The following TCF7L2 variants were observed in gnomAD, a reference collection of about 807,000 sequenced individuals.
The protein encoded by TCF7L2 is transcription factor 7 like 2.
A neutral mutation model predicts 77.9 loss-of-function variants in TCF7L2; 23 were observed. The ratio of observed to expected loss-of-function variants is 0.30; its 90% CI spans 0.21 to 0.42. The LOEUF is 0.42. Among genes scored for constraint, TCF7L2 ranks in the 10% least tolerant of loss-of-function variants. TCF7L2 has a pLI of 1.00. For synonymous variants in TCF7L2, 413 were observed against 340.2 expected (o/e 1.21, Z -2.36); for missense variants, 654 against 793.1 (o/e 0.82, Z 2.11).
In TCF7L2 at chr10:112,951,191, C is replaced by T. The variant is rs1170738230; in HGVS notation, c.190-16C>T. 2.5e-6 allele frequency: 4 copies of T among 1,583,336 alleles called. No individual in the cohort carries two copies. The highest frequency in any genetic ancestry group is 3.4e-6 in the Non-Finnish European group (4 of 1,168,308). On this transcript the variant is annotated splice_polypyrimidine_tract_variant and intron_variant, in intron 1 of 13. Transcript: ENST00000627217. ...CGTTTGCCCCTCGCCCTCCCCACCT[C>T]CACCCCTCTGGGAAGGCGGAAAGAC...
intron 4 of TCF7L2, among the ~76,000 whole-genome samples, chr10:112,966,184 T>TATATATATATATA (rs2036754580): frequency 2.6e-5 from 3 of 114,230 alleles, no homozygotes; most frequent in South Asian, 2.6e-4. Flanking sequence ...TAAAATATAT[T>TATATATATATATA]TATATATATA....
intron 3 of TCF7L2, among the ~76,000 whole-genome samples, chr10:112,957,667 G>A (rs2034018425): frequency 6.6e-6 from 1 of 152,086 alleles, no homozygotes; most frequent in African/African-American, 2.4e-5. Flanking sequence ...TATTAAAAAG[G>A]GATATTGCTT....
intron 5 of TCF7L2, among the ~76,000 whole-genome samples, chr10:113,136,085 C>T (rs1044534192): frequency 1.3e-5 from 2 of 152,208 alleles, no homozygotes; most frequent in African/African-American, 4.8e-5. Flanking sequence ...AGAAACACCA[C>T]TCTCTCAAGG....
chr10:113,071,885 C>G (rs1356159751), intron 5 of TCF7L2, among the ~76,000 whole-genome samples: 1 of 152,218 alleles, frequency 6.6e-6, no homozygotes. Context: ...AGGTCAGGGG[C>G]TGGCTGGGAC....
chr10:113,037,513 G>T (rs1048403878), intron 4 of TCF7L2, among the ~76,000 whole-genome samples: 1 of 152,210 alleles, frequency 6.6e-6, no homozygotes, highest in Non-Finnish European at 1.5e-5. Flanking sequence ...TTGTAGGCTT[G>T]GAGTGCTGAA....
chr10:113,116,376 T>C lies in TCF7L2; in HGVS notation c.553-24808T>C, dbSNP rs371511900. ...TGAATTAGTTATATTTTATCACTTA[T>C]AATCTAAATTAGACCTAATTAATAT... On this transcript the variant is annotated intron_variant, in intron 5 of 13. Transcript: ENST00000627217. Among the ~76,000 whole-genome samples, 5 of 152,372 alleles carry C rather than the reference T, an allele frequency of 3.3e-5. No individual in the cohort carries two copies. In the East Asian group the frequency reaches 9.6e-4, roughly 29 times the overall value.
At chr10:113,120,212 AAGT>A (rs1465360413) in intron 5 of TCF7L2, among the ~76,000 whole-genome samples, 2 of 152,126 alleles carry the variant, frequency 1.3e-5, no homozygotes, top group African/African-American at 4.8e-5. Context: ...CTTTTGTTCA[AAGT>A]AGATTGAGGG....
intron 5 of TCF7L2, among the ~76,000 whole-genome samples, chr10:113,095,264 G>T (rs1311135151): frequency 6.6e-6 from 1 of 152,162 alleles, no homozygotes; most frequent in Non-Finnish European, 1.5e-5. Context: ...ACCCATCATT[G>T]CTTCGCATGT....
chr10:113,060,079 G>A (rs2056179593), intron 5 of TCF7L2, among the ~76,000 whole-genome samples: 1 of 152,200 alleles, frequency 6.6e-6, no homozygotes, highest in African/African-American at 2.4e-5. Flanking sequence ...CATCTTAGCT[G>A]TTCAGCGGAT....
intron 5 of TCF7L2, among the ~76,000 whole-genome samples, chr10:113,071,906 G>A (rs1043731422): frequency 5.3e-5 from 8 of 152,246 alleles, no homozygotes; most frequent in Non-Finnish European, 1.2e-4. Flanking sequence ...TGTGGATGCT[G>A]GAGTAAGTGG....
At chr10:113,079,589 T>C (rs1202608556) in intron 5 of TCF7L2, among the ~76,000 whole-genome samples, 3 of 152,208 alleles carry the variant, frequency 2.0e-5, no homozygotes, top group Non-Finnish European at 2.9e-5. Context: ...CCCTAAAAAC[T>C]GAGGGTTGTT....
chr10:113,164,754 C>CT (rs140468613), intron 13 of TCF7L2, among the ~76,000 whole-genome samples: 8,810 of 151,376 alleles, frequency 0.058, 306 homozygotes, highest in South Asian at 0.077. Flanking sequence ...TTGGTGGTTT[C>CT]TTTTTTTTGT....
At chr10:113,073,334 G>A (rs1564856149) in intron 5 of TCF7L2, among the ~76,000 whole-genome samples, 2 of 151,264 alleles carry the variant, frequency 1.3e-5, no homozygotes, top group South Asian at 4.2e-4. Context: ...TTATCATCTT[G>A]GTGATGGTCA....
chr10:113,037,281 G>A (rs1452727817), intron 4 of TCF7L2, among the ~76,000 whole-genome samples: 2 of 152,170 alleles, frequency 1.3e-5, no homozygotes, highest in Non-Finnish European at 2.9e-5. Context: ...TTGGATTTGT[G>A]TGTACCCAGC....
intron 5 of TCF7L2, chr10:113,126,767 G>A (rs1592056665): frequency 1.0e-6 from 1 of 985,612 alleles, no homozygotes. Flanking sequence ...TGCAGGGCGG[G>A]TGCTGCCCTC....
At chr10:113,087,432 G>A (rs1466144031) in intron 5 of TCF7L2, among the ~76,000 whole-genome samples, 4 of 152,192 alleles carry the variant, frequency 2.6e-5, no homozygotes, top group Non-Finnish European at 5.9e-5. Context: ...ACAATTGGAG[G>A]GCTAACCAAG....
chr10:113,142,090 T>G (rs2068487932), intron 6 of TCF7L2, among the ~76,000 whole-genome samples: 1 of 152,220 alleles, frequency 6.6e-6, no homozygotes, highest in South Asian at 2.1e-4. Flanking sequence ...CTGCAACCTC[T>G]GCCTCCCAGT....
At chr10:112,991,799 G>A (rs1296482532) in intron 4 of TCF7L2, among the ~76,000 whole-genome samples, 1 of 152,150 alleles carries the variant, frequency 6.6e-6, no homozygotes, top group Non-Finnish European at 1.5e-5. Context: ...AAGGAGTAGG[G>A]CACGTGGGGC....
chr10:112,992,461 G>T (rs894947595), intron 4 of TCF7L2, among the ~76,000 whole-genome samples: 2 of 152,188 alleles, frequency 1.3e-5, no homozygotes, highest in East Asian at 1.9e-4. Flanking sequence ...TCGAGTTCCA[G>T]CTCACTGCCA....
Sources: allele counts gnomAD v4.1 joint callset (sites outside exome capture counted in the v4.1 genomes callset), GRCh38; gene constraint gnomAD v4.1.1; transcripts MANE v1.5; gene names NCBI Gene and HGNC (gene_info 2026-07-23, HGNC 2026-07-21).